CDKL2: variants seen among roughly 807,000 people sequenced by gnomAD.
The protein encoded by CDKL2 is cyclin-dependent kinase-like 2.
CDKL2 carries 64 observed loss-of-function variants against 63.9 expected under a neutral mutation model. The ratio of observed to expected loss-of-function variants is 1.00; its 90% CI spans 0.82 to 1.23. The LOEUF is 1.23. Among genes scored for constraint, CDKL2 ranks in the 50% most tolerant of loss-of-function variants. The pLI, the probability that CDKL2 is intolerant of heterozygous loss-of-function variation, is 0.00. For missense variants in CDKL2, 656 were observed against 668.0 expected, an observed-to-expected ratio of 0.98 and a Z score of 0.20; for synonymous variants, 211 against 229.2, an observed-to-expected ratio of 0.92 and a Z score of 0.72.
At position 75,607,228 on chromosome 4, in the gene CDKL2, C is replaced by T. The variant is rs1560585430; in HGVS notation, c.497G>A (p.Trp166Ter). 2 of 1,613,786 alleles carry T rather than the reference C, an allele frequency of 1.2e-6. No individual in the cohort carries two copies. Among genetic ancestry groups the T allele is most frequent in the African/African-American group, 1.3e-5 (1 of 74,918 alleles). The change falls in exon 4 of 14, where the codon TGG becomes TAG. Residue 166 changes from tryptophan (W) to a stop codon, truncating the protein, a stop_gained. Transcript: ENST00000307465. LOFTEE classifies it high-confidence loss of function. The part of the protein sequence containing the change: ...EVYTDYVATR[W>*]YRAPELLVGD... ...AACCAATAGTTCTGGAGCTCTGTAC[C>T]ATCGGGTTGCCACATAATCAGTATA...
At chr4:75,603,699 A>C in intron 6 of CDKL2, 118 bp downstream of exon 6, 1 of 752,294 alleles carries the variant, frequency 1.3e-6, no homozygotes, top group East Asian at 2.8e-5. Flanking sequence ...TGTGTGACAG[A>C]GCAAGACTCC....
chr4:75,586,409 G>A (rs1728485523), intron 12 of CDKL2, among the ~76,000 whole-genome samples: 1 of 151,846 alleles, frequency 6.6e-6, no homozygotes, highest in Non-Finnish European at 1.5e-5. Flanking sequence ...TGTATTTTTA[G>A]TAGAGATGGG....
intron 11 of CDKL2, 63 bp from the exon 12 acceptor site, chr4:75,591,988 C>T: frequency 2.8e-6 from 4 of 1,405,208 alleles, no homozygotes; most frequent in Non-Finnish European, 3.9e-6. Context: ...TTTAGTTTTT[C>T]ACATTCTCTA....
chr4:75,589,373 C>T (rs1316021508), intron 12 of CDKL2, among the ~76,000 whole-genome samples: 6 of 137,510 alleles, frequency 4.4e-5, no homozygotes, highest in Admixed American at 3.2e-4. Context: ...GGCGGGATCT[C>T]GGCTCACTGC....
intron 12 of CDKL2, among the ~76,000 whole-genome samples, chr4:75,590,570 C>T (rs949075430): frequency 2.0e-5 from 3 of 152,112 alleles, no homozygotes; most frequent in Non-Finnish European, 4.4e-5. Context: ...CAAAAATTAG[C>T]TGGGTGTGGT....
At chr4:75,580,706 T>C (rs1434428988) in intron 13 of CDKL2, among the ~76,000 whole-genome samples, 1 of 149,100 alleles carries the variant, frequency 6.7e-6, no homozygotes, top group Non-Finnish European at 1.5e-5. Context: ...TTTTTTTTTT[T>C]TTCTTTTTTT....
chr4:75,628,117 A>AT (rs759097598), intron 1 of CDKL2, among the ~76,000 whole-genome samples: 1,466 of 140,820 alleles, frequency 0.01, 20 homozygotes, highest in African/African-American at 0.026. Flanking sequence ...TGTGTTTGAA[A>AT]TTTTTTTTTT....
chr4:75,622,894 T>C (rs1207752384), intron 2 of CDKL2, among the ~76,000 whole-genome samples: 2 of 151,934 alleles, frequency 1.3e-5, no homozygotes, highest in East Asian at 3.9e-4. Context: ...TTCTAAAATT[T>C]ATATGGAAAT....
intron 12 of CDKL2, among the ~76,000 whole-genome samples, chr4:75,586,057 G>T (rs1018557573): frequency 6.6e-6 from 1 of 151,936 alleles, no homozygotes; most frequent in Admixed American, 6.6e-5. Context: ...AAAAAATCAA[G>T]ATCACACTGA....
intron 6 of CDKL2, among the ~76,000 whole-genome samples, chr4:75,602,514 C>T (rs1486318134): frequency 6.6e-6 from 1 of 151,628 alleles, no homozygotes; most frequent in Non-Finnish European, 1.5e-5. Context: ...TCCTACTTCT[C>T]TATCCTTTAT....
intron 7 of CDKL2, among the ~76,000 whole-genome samples, chr4:75,599,514 T>C (rs1729086837): frequency 1.5e-5 from 2 of 132,340 alleles, no homozygotes; most frequent in South Asian, 2.6e-4. Flanking sequence ...TGAGCCAAGA[T>C]TGCACCACTG....
rs1180620389 is a variant in CDKL2 at position 75,630,032 on chromosome 4, C to T, written c.-30+10G>A. 1 of 147,950 alleles carries T rather than the reference C, an allele frequency of 6.8e-6. No individual in the cohort carries two copies. Among genetic ancestry groups the T allele is most frequent in the East Asian group, 2.1e-4 (1 of 4,716 alleles). 9.2% of individuals were successfully genotyped at this position (147,950 alleles called of 1,614,324 possible). Reference sequence around the variant, plus strand: ...GAGATAATAGAAGCTTTAAAACGTACTATACTTACCGTTTCTTCAATCCGT... The same window carrying T: ...GAGATAATAGAAGCTTTAAAACGTATTATACTTACCGTTTCTTCAATCCGT... On this transcript the variant is annotated intron_variant, in intron 1 of 13. Transcript: ENST00000307465.
At chr4:75,589,980 T>C (rs1728642241) in intron 12 of CDKL2, among the ~76,000 whole-genome samples, 1 of 143,850 alleles carries the variant, frequency 7.0e-6, no homozygotes, top group Non-Finnish European at 1.5e-5. Context: ...AGACCATGTG[T>C]CCAAAAAAAA....
At chr4:75,603,598 C>T (rs768709232) in intron 6 of CDKL2, among the ~76,000 whole-genome samples, 1 of 150,288 alleles carries the variant, frequency 6.7e-6, no homozygotes, top group Non-Finnish European at 1.5e-5. Flanking sequence ...GGCATGGTGG[C>T]GAGCGCCTGT....
intron 3 of CDKL2, among the ~76,000 whole-genome samples, chr4:75,611,087 G>A (rs76649052): frequency 0.15 from 22,760 of 152,050 alleles, 1,814 homozygotes; most frequent in South Asian, 0.35. Flanking sequence ...TTAACTAGGG[G>A]CTGGGAGTAA....
chr4:75,588,109 G>A (rs1298508330), intron 12 of CDKL2, among the ~76,000 whole-genome samples: 5 of 151,274 alleles, frequency 3.3e-5, no homozygotes, highest in Non-Finnish European at 4.4e-5. Flanking sequence ...AGCTACTCAG[G>A]AGGCTGAGGC....
intron 3 of CDKL2, among the ~76,000 whole-genome samples, chr4:75,611,514 G>A (rs1408110696): frequency 6.6e-6 from 1 of 150,610 alleles, no homozygotes; most frequent in African/African-American, 2.4e-5. Flanking sequence ...TAGTATGCCA[G>A]GCAACACTAA....
chr4:75,609,345 G>A (rs565944988), intron 3 of CDKL2, among the ~76,000 whole-genome samples: 15 of 151,804 alleles, frequency 9.9e-5, no homozygotes, highest in African/African-American at 3.4e-4. Context: ...GGTGGCTCAC[G>A]CCTGTAATCC....
At chr4:75,605,351 C>T (rs1310058406) in intron 5 of CDKL2, among the ~76,000 whole-genome samples, 171 bp downstream of exon 5, 1 of 130,556 alleles carries the variant, frequency 7.7e-6, no homozygotes, top group Non-Finnish European at 1.6e-5. Context: ...GAAACTCCAT[C>T]TCAAAACACA....
Sources: allele counts gnomAD v4.1 joint callset (sites outside exome capture counted in the v4.1 genomes callset), GRCh38; gene constraint gnomAD v4.1.1; transcripts MANE v1.5; gene names NCBI Gene and HGNC (gene_info 2026-07-23, HGNC 2026-07-21).